The following HNRNPC variants were observed in gnomAD, a reference collection of about 807,000 sequenced individuals.
HNRNPC encodes the protein heterogeneous nuclear ribonucleoprotein C, also known as heterogeneous nuclear ribonucleoproteins C1/C2.
HNRNPC carries 3 observed loss-of-function variants against 33.2 expected under a neutral mutation model. The ratio of observed to expected loss-of-function variants is 0.09; its 90% CI spans 0.04 to 0.23. HNRNPC has a LOEUF of 0.23. Ranked by LOEUF, HNRNPC falls within the 10% of genes least tolerant of loss-of-function variation. The pLI, the probability that HNRNPC is intolerant of heterozygous loss-of-function variation, is 1.00. For missense variants in HNRNPC, 143 were observed against 366.7 expected, an observed-to-expected ratio of 0.39 and a Z score of 4.98; for synonymous variants, 121 against 126.7, an observed-to-expected ratio of 0.96 and a Z score of 0.30.
At position 21,224,533 on chromosome 14, in the gene HNRNPC, T is replaced by C. The variant is rs949149742; in HGVS notation, c.365+5786A>G. 1.5e-4 allele frequency among the ~76,000 whole-genome samples: 23 copies of C among 152,264 alleles called. 1 individual carries two copies. The highest frequency in any genetic ancestry group is 5.1e-4 in the African/African-American group (21 of 41,522). ...CTATTATTTTCCTACAAGCACCTAC[T>C]TTCATACCTTTAGTCCAACCAATCA... is the stretch of plus-strand genomic sequence containing the variant. On this transcript the variant is annotated intron_variant, in intron 5 of 8. Coordinates refer to ENST00000553300, the MANE Select transcript of HNRNPC (RefSeq NM_004500.4).
chr14:21,236,774 C>A (rs1472165717), intron 2 of HNRNPC, among the ~76,000 whole-genome samples: 1 of 152,124 alleles, frequency 6.6e-6, no homozygotes, highest in African/African-American at 2.4e-5. Flanking sequence ...TGGAAAAGAA[C>A]TGGGATTCTT....
At chr14:21,250,910 T>C (rs986706521) in intron 2 of HNRNPC, among the ~76,000 whole-genome samples, 1 of 152,188 alleles carries the variant, frequency 6.6e-6, no homozygotes, top group Non-Finnish European at 1.5e-5. Flanking sequence ...ATGGTGATGA[T>C]GCTATGCTGG....
chr14:21,255,670 A>G (rs540609271), intron 2 of HNRNPC, among the ~76,000 whole-genome samples: 29 of 152,388 alleles, frequency 1.9e-4, no homozygotes, highest in African/African-American at 5.0e-4. Context: ...ATTGATCATT[A>G]TAATAGTCTT....
intron 3 of HNRNPC, chr14:21,231,516 G>A (rs548794819): frequency 3.0e-5 from 12 of 406,210 alleles, no homozygotes; most frequent in Middle Eastern, 8.5e-4. Context: ...TCTATTTTTC[G>A]TAGGGACGAA....
At chr14:21,265,317 A>C (rs1878795548) in intron 1 of HNRNPC, 1 of 152,244 alleles carries the variant, frequency 6.6e-6, no homozygotes, top group African/African-American at 2.4e-5. Context: ...CAAGATACAT[A>C]ACTTTATAGC....
chr14:21,219,248 G>A (rs775032444), intron 5 of HNRNPC, among the ~76,000 whole-genome samples: 3 of 152,118 alleles, frequency 2.0e-5, no homozygotes, highest in Non-Finnish European at 4.4e-5. Flanking sequence ...TGATTGCTAG[G>A]CAACAGAGTG....
intron 2 of HNRNPC, among the ~76,000 whole-genome samples, chr14:21,238,317 A>G (rs1594264670): frequency 6.6e-6 from 1 of 152,242 alleles, no homozygotes. Flanking sequence ...AGTCAAAAAA[A>G]TAGTATCTGA....
intron 2 of HNRNPC, among the ~76,000 whole-genome samples, chr14:21,253,245 G>C (rs1322173104): frequency 1.3e-5 from 2 of 150,726 alleles, no homozygotes; most frequent in East Asian, 3.9e-4. Flanking sequence ...GGGAGGCCAA[G>C]GCAGGTGAAT....
chr14:21,212,026 C>T, intron 6 of HNRNPC, 103 bp from the exon 7 acceptor site: 1 of 838,724 alleles, frequency 1.2e-6, no homozygotes. Context: ...AGGAGATACC[C>T]AGGGAGAAAC....
chr14:21,239,434 G>C (rs971455886), intron 2 of HNRNPC, among the ~76,000 whole-genome samples: 2 of 152,096 alleles, frequency 1.3e-5, no homozygotes, highest in African/African-American at 4.8e-5. Flanking sequence ...AGCGGAGATA[G>C]CGCCACTGCA....
chr14:21,228,357 G>T (rs2139607439), intron 5 of HNRNPC, among the ~76,000 whole-genome samples: 1 of 152,252 alleles, frequency 6.6e-6, no homozygotes, highest in Non-Finnish European at 1.5e-5. Context: ...GTAATGTCCT[G>T]ATTTATTTTC....
intron 2 of HNRNPC, among the ~76,000 whole-genome samples, chr14:21,241,060 C>T (rs1895278907): frequency 1.3e-5 from 2 of 151,956 alleles, no homozygotes; most frequent in Admixed American, 1.3e-4. Flanking sequence ...CATGAGGTCA[C>T]GAGTTCAAAA....
chr14:21,228,989 G>A (rs1893789719), intron 5 of HNRNPC, among the ~76,000 whole-genome samples: 1 of 151,082 alleles, frequency 6.6e-6, no homozygotes, highest in African/African-American at 2.4e-5. Context: ...GGAGGCTGAG[G>A]CAGGAGAATT....
intron 2 of HNRNPC, among the ~76,000 whole-genome samples, chr14:21,236,859 T>C (rs894048908): frequency 2.6e-5 from 4 of 152,138 alleles, no homozygotes; most frequent in Admixed American, 1.3e-4. Context: ...GCAAAATCAC[T>C]ATCCTACAGA....
rs759710057 is a variant in HNRNPC, at chr14:21,265,521, C to T, written c.-62-2185G>A. 17 of 152,124 alleles carry T rather than the reference C, an allele frequency of 1.1e-4. No individual in the cohort carries two copies. The East Asian group carries it at 1.3e-3, about 12-fold the overall frequency. The allele number at this position is 152,124 out of a possible 1,614,324, so 9.4% of individuals were successfully genotyped here. ...AGCACCATTTTCAATCAAGAATATT[C>T]CTTGAGGCCAGGCGGCGTGGCTCAC... On this transcript the variant is annotated intron_variant, in intron 1 of 8. Transcript: ENST00000553300.
intron 3 of HNRNPC, among the ~76,000 whole-genome samples, chr14:21,233,074 T>C (rs570673624): frequency 2.6e-5 from 4 of 151,988 alleles, no homozygotes; most frequent in African/African-American, 9.7e-5. Flanking sequence ...GTCTATTTGC[T>C]GAACACCATT....
At chr14:21,216,429 C>T (rs1021342804) in intron 5 of HNRNPC, among the ~76,000 whole-genome samples, 62 of 152,034 alleles carry the variant, frequency 4.1e-4, no homozygotes, top group Non-Finnish European at 4.6e-4. Flanking sequence ...TCTGTTTTGC[C>T]GGACAGGGTG....
At chr14:21,262,734 A>C (rs1440342289) in intron 2 of HNRNPC, 1 of 152,254 alleles carries the variant, frequency 6.6e-6, no homozygotes, top group Non-Finnish European at 1.5e-5. Flanking sequence ...CAGGAAAAGC[A>C]GGATGGGATT....
intron 2 of HNRNPC, among the ~76,000 whole-genome samples, chr14:21,236,088 T>C (rs1015984926): frequency 1.2e-4 from 19 of 152,138 alleles, no homozygotes; most frequent in African/African-American, 3.9e-4. Flanking sequence ...TCTGAGTACA[T>C]AGCTAGTACT....
Sources: allele counts gnomAD v4.1 joint callset (sites outside exome capture counted in the v4.1 genomes callset), GRCh38; gene constraint gnomAD v4.1.1; transcripts MANE v1.5; gene names NCBI Gene and HGNC (gene_info 2026-07-23, HGNC 2026-07-21).